NUGGC: variants seen among roughly 807,000 people sequenced by gnomAD.
NUGGC encodes nuclear GTPase SLIP-GC.
A neutral mutation model predicts 92.6 loss-of-function variants in NUGGC; 58 were observed. The observed-to-expected ratio is 0.63, with a 90% CI of 0.51 to 0.78. NUGGC has a LOEUF of 0.78. Among genes scored for constraint, NUGGC ranks in the 30% least tolerant of loss-of-function variants. The pLI, the probability that NUGGC is intolerant of heterozygous loss-of-function variation, is 0.00. For synonymous variants in NUGGC, 376 were observed against 366.4 expected (o/e 1.03, Z -0.30); for missense variants, 925 against 964.6 (o/e 0.96, Z 0.54).
At chr8:28,050,300 G>A (rs536090376) in intron 10 of NUGGC, among the ~76,000 whole-genome samples, 19 of 151,248 alleles carry the variant, frequency 1.3e-4, no homozygotes, top group East Asian at 1.2e-3. Flanking sequence ...CAGGAGAATC[G>A]CTTGAACCAG....
rs372985977 is a variant in NUGGC, at chr8:28,064,542, T to C, written c.901A>G (p.Arg301Gly). ...GTCACCTTTTTCCACATCTCGTCCC[T>C]CTTGCTGTTGAAGTCGCCTGTGCCT... ...IPGTGDFNSK[R>G]DEMWKKTIDK... The change falls in exon 7 of 19, where the codon AGG (arginine) becomes GGG (glycine). Residue 301 changes from arginine to glycine, a missense_variant. By Grantham distance (125) the Arg-to-Gly change is moderately radical (BLOSUM62 -2). Coordinates refer to ENST00000413272, the MANE Select transcript of NUGGC (RefSeq NM_001010906.2). 13 of 1,613,952 alleles carry C rather than the reference T, an allele frequency of 8.1e-6. No homozygotes were observed. The African/African-American group carries it at 1.7e-4, about 22-fold the overall frequency.
At chr8:28,041,808 G>T (rs1475759204) in intron 12 of NUGGC, among the ~76,000 whole-genome samples, 2 of 152,168 alleles carry the variant, frequency 1.3e-5, no homozygotes, top group South Asian at 2.1e-4. Context: ...CTTCTTCAAA[G>T]AATACAGTCT....
intron 1 of NUGGC, among the ~76,000 whole-genome samples, chr8:28,076,512 G>C (rs1284009932): frequency 6.6e-6 from 1 of 152,162 alleles, no homozygotes; most frequent in Non-Finnish European, 1.5e-5. Flanking sequence ...GGCCAGGCTG[G>C]TCTTGAACTC....
In NUGGC at chr8:28,045,546, T is replaced by A; in HGVS notation, c.1427A>T (p.Asn476Ile). ...CCATACCGGCAGGTTTTGCGTGGAG[T>A]TGAAACTATCTGTGAGGAGCAACAG... ...FGLLLLTDSFNSTQNLPNEHL... is the reference protein window; with the variant it reads ...FGLLLLTDSFISTQNLPNEHL... The change falls in exon 12 of 19, where the codon AAC (asparagine) becomes ATC (isoleucine). Residue 476 changes from asparagine (N) to isoleucine (I), a missense_variant. Transcript: ENST00000413272. The A allele has an allele frequency of 6.2e-7, 1 of 1,611,884 alleles. No individual in the cohort carries two copies. The highest frequency in any genetic ancestry group is 8.5e-7 in the Non-Finnish European group (1 of 1,179,528).
At chr8:28,034,655 A>G (rs1046208012) in intron 13 of NUGGC, among the ~76,000 whole-genome samples, 7 of 152,064 alleles carry the variant, frequency 4.6e-5, no homozygotes, top group African/African-American at 1.7e-4. Context: ...CATCTCTACT[A>G]AAAATACAAA....
chr8:28,041,257 TA>T, intron 12 of NUGGC, 42 bp from the exon 13 acceptor site: 2 of 1,564,394 alleles, frequency 1.3e-6, no homozygotes, highest in Non-Finnish European at 1.7e-6. Flanking sequence ...ACCCCCTCCC[TA>T]AGGGCACCTT....
rs772907110 is a variant in NUGGC at position 28,047,548 on chromosome 8, T to C, written c.1271A>G (p.Gln424Arg). The C allele has an allele frequency of 1.3e-6, 2 of 1,570,006 alleles. No individual in the cohort carries two copies. The highest frequency in any genetic ancestry group is 1.7e-6 in the Non-Finnish European group (2 of 1,156,348). The change falls in exon 11 of 19, where the codon CAG becomes CGG. Residue 424 changes from glutamine (Q) to arginine (R), a missense_variant. Physicochemically the swap from Gln to Arg is conservative, Grantham distance 43 (BLOSUM62 1). Transcript: ENST00000413272. ...ASDLVYTVSA[Q>R]EYWQQALLTE... ...GAGGAGAGCCTGCTGCCAGTACTCC[T>C]GGGCGCTGACTGTATACACCAGATC...
intron 3 of NUGGC, among the ~76,000 whole-genome samples, chr8:28,069,908 G>A (rs116091987): frequency 5.9e-5 from 9 of 152,262 alleles, no homozygotes; most frequent in Non-Finnish European, 8.8e-5. Flanking sequence ...GCTTGGCCAC[G>A]GGCTTCAGCC....
chr8:28,029,274 G>A lies in NUGGC; in HGVS notation c.2146C>T (p.Gln716Ter). ...ATGTGGGCATAGAGTACCTTCAGCT[G>A]CTGAAACTGGTGCTGCATCCTTTCC... ...AQERMQHQFQ[Q>*]LKTGIVEKVK... is the part of the protein sequence containing the mutation. The change falls in exon 17 of 19, where the codon CAG (glutamine) becomes TAG (stop). Residue 716 changes from glutamine to a stop codon, truncating the protein, a stop_gained. Transcript: ENST00000413272. LOFTEE classifies it high-confidence loss of function. The A allele has an allele frequency of 6.2e-7, 1 of 1,604,984 alleles. No individual in the cohort carries two copies. Among genetic ancestry groups the A allele is most frequent in the South Asian group, 1.1e-5 (1 of 88,800 alleles).
chr8:28,060,899 G>T (rs918713095), intron 7 of NUGGC, among the ~76,000 whole-genome samples: 1 of 152,132 alleles, frequency 6.6e-6, no homozygotes, highest in Admixed American at 6.5e-5. Flanking sequence ...CTCAAGCAGC[G>T]CCTCTGAGAC....
At chr8:28,032,884 G>A (rs1013675642) in intron 14 of NUGGC, among the ~76,000 whole-genome samples, 32 of 152,136 alleles carry the variant, frequency 2.1e-4, no homozygotes. Context: ...CTGAGGCTGG[G>A]TGTGGTGGCT....
rs757972887 is a variant in NUGGC, at chr8:28,033,612, C to G, written c.1697G>C (p.Arg566Thr). ...AGTGAGGGCTTCATTTAGATCAATTCTCGCCAGAGTCCTGGAGGCATAGAT... is the reference window on the plus strand; with the variant it reads ...AGTGAGGGCTTCATTTAGATCAATTGTCGCCAGAGTCCTGGAGGCATAGAT... ...NGIYASRTLARIDLNEALTQP... is the reference protein window; with the variant it reads ...NGIYASRTLATIDLNEALTQP... Residue 566 changes from arginine (R) to threonine (T), a missense_variant, in exon 14 of 19, where the codon AGA (arginine) becomes ACA (threonine). Physicochemically the swap from Arg to Thr is moderately conservative, Grantham distance 71 (BLOSUM62 -1). Transcript: ENST00000413272. 6.2e-7 allele frequency: 1 copy of G among 1,613,980 alleles called. No individual in the cohort carries two copies. Among genetic ancestry groups the G allele is most frequent in the Non-Finnish European group, 8.5e-7 (1 of 1,179,870 alleles).
Position 28,023,442 on chromosome 8 carries a change from C to T in NUGGC, c.2266G>A (p.Glu756Lys). ...ELADVGSEYK[E>K]MEKLHRSLRE... ...AGGCTTCTGTGCAGCTTCTCCATCT[C>T]CTTGTATTCACTCCCGACATCTACA... The change falls in exon 19 of 19, where the codon GAG (glutamate) becomes AAG (lysine). Residue 756 changes from glutamate (E) to lysine (K), a missense_variant. Physicochemically the swap from Glu to Lys is moderately conservative, Grantham distance 56. Coordinates refer to ENST00000413272, the MANE Select transcript of NUGGC (RefSeq NM_001010906.2). 1 of 1,613,864 alleles carries T rather than the reference C, an allele frequency of 6.2e-7. No homozygotes were observed. The highest frequency in any genetic ancestry group is 8.5e-7 in the Non-Finnish European group (1 of 1,179,844).
intron 10 of NUGGC, among the ~76,000 whole-genome samples, chr8:28,050,989 C>CA (rs76848126): frequency 0.15 from 22,804 of 152,072 alleles, 1,884 homozygotes; most frequent in South Asian, 0.23. Flanking sequence ...CCCTAGCACT[C>CA]TTTTTTTGCT....
chr8:28,023,309 C>T lies in NUGGC; in HGVS notation c.*8G>A, dbSNP rs921597. On this transcript the variant is annotated 3_prime_UTR_variant, in exon 19 of 19. Coordinates refer to ENST00000413272, the MANE Select transcript of NUGGC (RefSeq NM_001010906.2). ...GATTTTTCATCCATTGGGACTAAGC[C>T]CCAGGAGTTACAGTGATGTCCCGGG... 0.52 allele frequency: 841,026 copies of T among 1,609,634 alleles called. 227,211 individuals carry two copies. Among genetic ancestry groups the T allele is most frequent in the Middle Eastern group, 0.58 (3,484 of 6,038 alleles).
At chr8:28,036,278 T>C (rs528433808) in intron 13 of NUGGC, among the ~76,000 whole-genome samples, 17 of 152,282 alleles carry the variant, frequency 1.1e-4, no homozygotes, top group African/African-American at 4.1e-4. Flanking sequence ...ACGATTTCCT[T>C]CTTCTGCTAC....
intron 6 of NUGGC, among the ~76,000 whole-genome samples, chr8:28,065,855 T>G (rs913689997): frequency 1.8e-4 from 28 of 152,204 alleles, no homozygotes; most frequent in African/African-American, 6.5e-4. Flanking sequence ...GAGGAGATAA[T>G]AAAAGCTCTT....
chr8:28,049,852 G>A (rs377504773), intron 10 of NUGGC, among the ~76,000 whole-genome samples: 14 of 152,214 alleles, frequency 9.2e-5, no homozygotes, highest in Non-Finnish European at 1.8e-4. Context: ...TTGGGAAGCC[G>A]AGGCAGGTGG....
intron 13 of NUGGC, among the ~76,000 whole-genome samples, chr8:28,034,415 G>A (rs541443078): frequency 1.4e-4 from 21 of 152,232 alleles, no homozygotes; most frequent in African/African-American, 2.2e-4. Flanking sequence ...AATGATATAC[G>A]TTTTAAGGGA....
Sources: allele counts gnomAD v4.1 joint callset (sites outside exome capture counted in the v4.1 genomes callset), GRCh38; gene constraint gnomAD v4.1.1; transcripts MANE v1.5; gene names NCBI Gene and HGNC (gene_info 2026-07-23, HGNC 2026-07-21).